CACNA2D1: variants seen among roughly 807,000 people sequenced by gnomAD.
The protein encoded by CACNA2D1 is calcium voltage-gated channel auxiliary subunit alpha2delta 1, also known as voltage-dependent calcium channel subunit alpha-2/delta-1.
CACNA2D1 carries 53 observed loss-of-function variants against 171.5 expected under a neutral mutation model. The ratio of observed to expected loss-of-function variants is 0.31; its 90% CI spans 0.25 to 0.39. CACNA2D1 has a LOEUF of 0.39. Among genes scored for constraint, CACNA2D1 ranks in the 10% least tolerant of loss-of-function variants. CACNA2D1 has a pLI of 1.00. For synonymous variants in CACNA2D1, 442 were observed against 443.1 expected (o/e 1.00, Z 0.03); for missense variants, 903 against 1,299.8 (o/e 0.69, Z 4.69).
chr7:82,031,249 C>T (rs1369085872), intron 12 of CACNA2D1, among the ~76,000 whole-genome samples: 2 of 151,852 alleles, frequency 1.3e-5, no homozygotes, highest in African/African-American at 4.8e-5. Flanking sequence ...AAGGAGCCTA[C>T]AGTGGCAAGG....
intron 3 of CACNA2D1, among the ~76,000 whole-genome samples, chr7:82,241,974 AT>A (rs1804361145): frequency 6.6e-6 from 1 of 152,190 alleles, no homozygotes; most frequent in African/African-American, 2.4e-5. Context: ...CTTGAAGTCT[AT>A]TTAGCCATTT....
In CACNA2D1 at chr7:82,349,655, G is replaced by A. The variant is rs1819620744; in HGVS notation, c.96-6C>T. On this transcript the variant is annotated splice_polypyrimidine_tract_variant and splice_region_variant and intron_variant, in intron 1 of 38. Coordinates refer to ENST00000356860, the MANE Select transcript of CACNA2D1 (RefSeq NM_000722.4). The stretch of plus-strand genomic sequence containing the variant: ...TATCCACCCATGATTTGATACTGCA[G>A]AAATCAGAAAAGATTATGTTCTATC... The A allele has an allele frequency of 1.2e-6, 2 of 1,607,294 alleles. No individual in the cohort carries two copies. The highest frequency in any genetic ancestry group is 4.5e-5 in the East Asian group (2 of 44,812).
At chr7:82,049,008 C>T (rs1804872921) in intron 10 of CACNA2D1, among the ~76,000 whole-genome samples, 1 of 151,218 alleles carries the variant, frequency 6.6e-6, no homozygotes, top group African/African-American at 2.4e-5. Flanking sequence ...TTTCTAAGTG[C>T]CAAAAACTTA....
rs187065686 is a variant in CACNA2D1, at chr7:81,948,012, G to A, written c.*2380C>T. On this transcript the variant is annotated 3_prime_UTR_variant, in exon 39 of 39. Coordinates refer to ENST00000356860, the MANE Select transcript of CACNA2D1 (RefSeq NM_000722.4). Reference sequence around the variant, plus strand: ...CTGCCAAGAGATGCCAAGTTTAACCGCGATTAATACAATAACAATGTAATT... The same window carrying A: ...CTGCCAAGAGATGCCAAGTTTAACCACGATTAATACAATAACAATGTAATT... The A allele has an allele frequency of 3.5e-4, 53 of 151,834 alleles. No homozygotes were observed. Among genetic ancestry groups the A allele is most frequent in the African/African-American group, 3.9e-4 (16 of 41,494 alleles). The allele number at this position is 151,834 out of a possible 1,614,324, so 9.4% of individuals were successfully genotyped here.
intron 3 of CACNA2D1, among the ~76,000 whole-genome samples, chr7:82,226,153 T>C (rs946774223): frequency 1.2e-4 from 19 of 152,160 alleles, no homozygotes; most frequent in Admixed American, 3.9e-4. Flanking sequence ...TGAATAACCA[T>C]CTTATTTATG....
chr7:82,252,144 G>C (rs1301016383), intron 3 of CACNA2D1, among the ~76,000 whole-genome samples: 1 of 152,000 alleles, frequency 6.6e-6, no homozygotes, highest in East Asian at 1.9e-4. Flanking sequence ...GCTTTGCAAG[G>C]GGCAAAATAG....
At chr7:82,329,097 A>T (rs10486954) in intron 3 of CACNA2D1, among the ~76,000 whole-genome samples, 23,808 of 152,114 alleles carry the variant, frequency 0.16, 2,027 homozygotes, top group South Asian at 0.28. Flanking sequence ...ACAAATAGAA[A>T]TGATATAGAA....
chr7:82,419,510 TCA>T (rs1828520092), intron 1 of CACNA2D1, among the ~76,000 whole-genome samples: 1 of 152,182 alleles, frequency 6.6e-6, no homozygotes, highest in Non-Finnish European at 1.5e-5. Flanking sequence ...AAATTTTCCT[TCA>T]GGAAATTCAC....
intron 3 of CACNA2D1, among the ~76,000 whole-genome samples, chr7:82,322,200 T>G (rs1197796040): frequency 7.2e-6 from 1 of 138,352 alleles, no homozygotes; most frequent in Non-Finnish European, 1.6e-5. Context: ...GGAAGCTTAA[T>G]CACTAAAAAT....
At chr7:82,177,999 A>G (rs1796727175) in intron 3 of CACNA2D1, among the ~76,000 whole-genome samples, 1 of 152,144 alleles carries the variant, frequency 6.6e-6, no homozygotes. Context: ...CTTACAACTG[A>G]TTTCATGCCA....
At chr7:82,220,691 T>C (rs1801645673) in intron 3 of CACNA2D1, among the ~76,000 whole-genome samples, 1 of 152,134 alleles carries the variant, frequency 6.6e-6, no homozygotes. Flanking sequence ...CAAATAAATA[T>C]TTTAATAGCC....
At chr7:82,005,346 A>T in intron 18 of CACNA2D1, 77 bp downstream of exon 18, 1 of 932,234 alleles carries the variant, frequency 1.1e-6, no homozygotes, top group Non-Finnish European at 1.7e-6. Context: ...GGTAAATTTT[A>T]AAACAACAAT....
rs1178658281 is a variant in CACNA2D1 at position 81,959,302 on chromosome 7, A to G, written c.3132T>C (p.Pro1044=). ...MVKQPRYRKG[P]DVCFDNNVLE... ...AGACATTGTTATCAAAGCAGACATC[A>G]GGCCCTTTTCGGTATCTGGGTTGCT... Residue 1044 remains proline, a synonymous_variant, in exon 38 of 39, where the codon CCT becomes CCC. Coordinates refer to ENST00000356860, the MANE Select transcript of CACNA2D1 (RefSeq NM_000722.4). 1 of 1,610,586 alleles carries G rather than the reference A, an allele frequency of 6.2e-7. No individual in the cohort carries two copies. The highest frequency in any genetic ancestry group is 8.5e-7 in the Non-Finnish European group (1 of 1,176,976).
At chr7:82,260,698 C>A (rs959604489) in intron 3 of CACNA2D1, among the ~76,000 whole-genome samples, 1 of 152,084 alleles carries the variant, frequency 6.6e-6, no homozygotes, top group Non-Finnish European at 1.5e-5. Flanking sequence ...CATAACTTGC[C>A]CAAGGTTGCT....
chr7:82,146,753 G>A (rs901882627), intron 4 of CACNA2D1, among the ~76,000 whole-genome samples: 5 of 150,712 alleles, frequency 3.3e-5, no homozygotes, highest in East Asian at 1.9e-4. Context: ...CTGGGAGGCC[G>A]AGGCGGGTAG....
chr7:82,407,937 C>T (rs748923593), intron 1 of CACNA2D1, among the ~76,000 whole-genome samples: 7 of 151,942 alleles, frequency 4.6e-5, no homozygotes, highest in Non-Finnish European at 1.0e-4. Context: ...ATTCCTCCTT[C>T]AATAATCTTC....
chr7:82,254,536 T>G (rs938010807), intron 3 of CACNA2D1, among the ~76,000 whole-genome samples: 2 of 152,176 alleles, frequency 1.3e-5, no homozygotes, highest in African/African-American at 4.8e-5. Flanking sequence ...TAGCAGCTTT[T>G]AAGTGTCACC....
intron 1 of CACNA2D1, among the ~76,000 whole-genome samples, chr7:82,412,924 T>G (rs749994800): frequency 1.3e-5 from 2 of 152,078 alleles, no homozygotes; most frequent in Non-Finnish European, 2.9e-5. Context: ...TTTTCTCAAA[T>G]GACAAAAGGA....
intron 1 of CACNA2D1, among the ~76,000 whole-genome samples, chr7:82,381,079 G>A (rs1276565558): frequency 1.3e-5 from 2 of 151,886 alleles, no homozygotes; most frequent in Non-Finnish European, 2.9e-5. Context: ...CTGGGAGGCC[G>A]AGGTGGGCGG....
Sources: allele counts gnomAD v4.1 joint callset (sites outside exome capture counted in the v4.1 genomes callset), GRCh38; gene constraint gnomAD v4.1.1; transcripts MANE v1.5; gene names NCBI Gene and HGNC (gene_info 2026-07-23, HGNC 2026-07-21).